Variants in CCDC18 observed in about 807,000 individuals in gnomAD.
CCDC18 encodes coiled-coil domain-containing protein 18.
Under a neutral mutation model 196.0 loss-of-function variants are expected in CCDC18, and 157 were observed. The observed-to-expected ratio is 0.80, with a 90% CI of 0.70 to 0.91. The LOEUF is 0.91. Among genes scored for constraint, CCDC18 ranks in the 40% least tolerant of loss-of-function variants. CCDC18 has a pLI of 0.00. For synonymous variants in CCDC18, 482 were observed against 529.2 expected (o/e 0.91, Z 1.22); for missense variants, 1,465 against 1,611.6 (o/e 0.91, Z 1.56).
At chr1:93,180,446 C>G, upstream of CCDC18, 2 of 1,351,198 alleles carry the variant, frequency 1.5e-6, no homozygotes, top group Non-Finnish European at 2.0e-6. Flanking sequence ...GGCTAGCAGT[C>G]CTATTCCGCA....
Position 93,184,084 on chromosome 1 carries a change from T to TA in CCDC18, c.242dup (p.Tyr81Ter). ...SHPGLLNYSP[Y>*]ENVCKISGSS... ...CCCTGGACTTTTGAATTATTCACCT[T>TA]ATGAAAACGTCTGTAAAATATCTGG... The change falls in exon 3 of 29, where the codon TAT becomes TAAT. Residue 81 changes from tyrosine to a stop codon, truncating the protein, a stop_gained and frameshift_variant. Transcript: ENST00000690025. LOFTEE classifies it high-confidence loss of function. 1 of 1,576,656 alleles carries TA rather than the reference T, an allele frequency of 6.3e-7. No individual in the cohort carries two copies. The highest frequency in any genetic ancestry group is 1.4e-5 in the African/African-American group (1 of 74,016).
At chr1:93,261,338 T>A (rs979059969) in intron 26 of CCDC18, among the ~76,000 whole-genome samples, 8 of 152,030 alleles carry the variant, frequency 5.3e-5, no homozygotes, top group African/African-American at 1.9e-4. Flanking sequence ...AGTATATACA[T>A]CCTCATATTT....
intron 21 of CCDC18, among the ~76,000 whole-genome samples, chr1:93,244,622 C>T (rs1381835302): frequency 6.6e-6 from 1 of 152,102 alleles, no homozygotes; most frequent in Non-Finnish European, 1.5e-5. Context: ...TGGAAAAATA[C>T]TGGACATAGA....
At chr1:93,228,860 A>G (rs1364256678) in intron 17 of CCDC18, among the ~76,000 whole-genome samples, 2 of 152,200 alleles carry the variant, frequency 1.3e-5, no homozygotes, top group African/African-American at 2.4e-5. Context: ...CTTTGCATTC[A>G]TAGAAACAAC....
chr1:93,253,185 G>A (rs1310752185), intron 23 of CCDC18, among the ~76,000 whole-genome samples: 1 of 152,160 alleles, frequency 6.6e-6, no homozygotes, highest in Admixed American at 6.5e-5. Context: ...TTTCCCCAAC[G>A]ACAGTGTGAG....
At chr1:93,216,585 A>G in intron 12 of CCDC18, 51 bp from the exon 13 acceptor site, 2 of 964,908 alleles carry the variant, frequency 2.1e-6, no homozygotes, top group South Asian at 3.2e-5. Flanking sequence ...TTAGAATGCA[A>G]AATCATTACC....
At chr1:93,265,258 T>C (rs1413784886) in intron 27 of CCDC18, among the ~76,000 whole-genome samples, 1 of 152,158 alleles carries the variant, frequency 6.6e-6, no homozygotes, top group Non-Finnish European at 1.5e-5. Context: ...TTCCCAGCAC[T>C]TCAGGAGGCC....
Position 93,270,512 on chromosome 1 carries a change from T to A in CCDC18, c.4051T>A (p.Leu1351Ile). ...CACATCTTTTTCCAAGTGTACAAAA[T>A]TACGTCGCTCTATTAGTGCCAGTGA... ...FHTSFSKCTK[L>I]RRSISASDLT... Residue 1351 changes from leucine (L) to isoleucine (I), a missense_variant, in exon 28 of 29, where the codon TTA (leucine) becomes ATA (isoleucine). Physicochemically the swap from Leu to Ile is conservative, Grantham distance 5. Transcript: ENST00000690025. 1 of 1,550,420 alleles carries A rather than the reference T, an allele frequency of 6.4e-7. No homozygotes were observed. Among genetic ancestry groups the A allele is most frequent in the African/African-American group, 1.4e-5 (1 of 73,174 alleles).
Position 93,214,847 on chromosome 1 carries a change from CA to C in CCDC18, c.1603del (p.Ile535Ter). The stretch of plus-strand genomic sequence containing the variant: ...AGAAGAACTACGTACTAAGCTGATA[CA>C]AATAGAAGCTGAAAATTCTGATTTG... ...GIEELRTKLI[Q>X]IEAENSDLKV... On this transcript the variant is annotated frameshift_variant, in exon 12 of 29. Coordinates refer to ENST00000690025, the MANE Select transcript of CCDC18 (RefSeq NM_001378204.1). LOFTEE classifies it high-confidence loss of function. 1 of 1,613,450 alleles carries C rather than the reference CA, an allele frequency of 6.2e-7. No individual in the cohort carries two copies. Among genetic ancestry groups the C allele is most frequent in the Middle Eastern group, 1.7e-4 (1 of 6,040 alleles).
intron 1 of CCDC18, among the ~76,000 whole-genome samples, chr1:93,181,549 T>C (rs1414367): frequency 6.6e-6 from 1 of 151,998 alleles, no homozygotes; most frequent in Non-Finnish European, 1.5e-5. Context: ...ACAGTAAATG[T>C]CCCACTAGGA....
At chr1:93,234,116 G>T (rs769611371) in intron 18 of CCDC18, among the ~76,000 whole-genome samples, 1 of 151,172 alleles carries the variant, frequency 6.6e-6, no homozygotes, top group African/African-American at 2.4e-5. Context: ...TGGTTGTATG[G>T]TTTTTTCTGT....
At chr1:93,212,023 A>C in intron 10 of CCDC18, 78 bp from the exon 11 acceptor site, 6 of 1,242,244 alleles carry the variant, frequency 4.8e-6, no homozygotes, top group Non-Finnish European at 5.6e-6. Flanking sequence ...AATCAACTTG[A>C]AAGGTGAAAA....
At chr1:93,181,639 C>T (rs553930386) in intron 1 of CCDC18, among the ~76,000 whole-genome samples, 28 of 151,170 alleles carry the variant, frequency 1.9e-4, no homozygotes, top group Non-Finnish European at 3.5e-4. Context: ...TTTTTGAGAC[C>T]GAGTCTCACT....
At chr1:93,244,427 G>A (rs1013511872) in intron 21 of CCDC18, among the ~76,000 whole-genome samples, 1 of 152,202 alleles carries the variant, frequency 6.6e-6, no homozygotes, top group African/African-American at 2.4e-5. Context: ...ATGGTACAAA[G>A]TGCATGAACT....
intron 25 of CCDC18, 98 bp downstream of exon 25, chr1:93,256,636 A>T: frequency 1.1e-6 from 1 of 946,616 alleles, no homozygotes; most frequent in Non-Finnish European, 1.6e-6. Context: ...AATGAACTGT[A>T]TTGCACAACA....
chr1:93,196,438 C>T (rs1316938885), intron 6 of CCDC18, among the ~76,000 whole-genome samples: 1 of 152,092 alleles, frequency 6.6e-6, no homozygotes, highest in African/African-American at 2.4e-5. Context: ...CAAGCATTAC[C>T]AACATTAAAA....
chr1:93,239,569 A>G (rs920631130), intron 20 of CCDC18, 96 bp downstream of exon 20: 3 of 1,428,540 alleles, frequency 2.1e-6, no homozygotes, highest in African/African-American at 1.4e-5. Context: ...TGGAAGGGAA[A>G]ATAAGTGGTA....
intron 23 of CCDC18, among the ~76,000 whole-genome samples, chr1:93,252,473 A>T (rs547419795): frequency 1.3e-5 from 2 of 152,132 alleles, no homozygotes; most frequent in East Asian, 1.9e-4. Flanking sequence ...TTGATTTTTT[A>T]AAAATTATTT....
chr1:93,221,354 G>A (rs1240835251), intron 14 of CCDC18, among the ~76,000 whole-genome samples: 4 of 150,866 alleles, frequency 2.7e-5, no homozygotes, highest in East Asian at 1.9e-4. Context: ...TTGTGGTTTC[G>A]ATTTGCATTT....
Sources: allele counts gnomAD v4.1 joint callset (sites outside exome capture counted in the v4.1 genomes callset), GRCh38; gene constraint gnomAD v4.1.1; transcripts MANE v1.5; gene names NCBI Gene and HGNC (gene_info 2026-07-23, HGNC 2026-07-21).